Variants in GULP1 observed in about 807,000 individuals in gnomAD.
The protein encoded by GULP1 is GULP PTB domain containing engulfment adaptor 1.
In GULP1, 19 loss-of-function variants were observed where a neutral mutation model predicts 40.9. The observed-to-expected ratio is 0.46, with a 90% CI of 0.32 to 0.68. GULP1 has a LOEUF of 0.68. Ranked by LOEUF, GULP1 falls within the 30% of genes least tolerant of loss-of-function variation. The pLI is 0.03. For synonymous variants in GULP1, 119 were observed against 117.6 expected (o/e 1.01, Z -0.08); for missense variants, 312 against 362.2 (o/e 0.86, Z 1.12).
At chr2:188,307,417 G>A (rs1470315580) in intron 1 of GULP1, among the ~76,000 whole-genome samples, 3 of 151,154 alleles carry the variant, frequency 2.0e-5, no homozygotes, top group Non-Finnish European at 4.4e-5. Context: ...AATTTGAAGT[G>A]AGATACATCT....
In GULP1 at chr2:188,576,666, A is replaced by G. The variant is rs16830133; in HGVS notation, c.609+6546A>G. 3.3e-4 allele frequency among the ~76,000 whole-genome samples: 50 copies of G among 152,270 alleles called. 1 individual carries two copies. In the East Asian group the frequency reaches 4.8e-3, roughly 15 times the overall value. On this transcript the variant is annotated intron_variant, in intron 9 of 11. Transcript: ENST00000409830. ...TTTCTATCAAGTGAAATAGCCTTCA[A>G]TTGTACCTATATTACATACCTCTGC...
intron 4 of GULP1, among the ~76,000 whole-genome samples, chr2:188,505,022 A>C (rs148977946): frequency 0.029 from 4,370 of 151,440 alleles, 208 homozygotes; most frequent in East Asian, 0.16. Flanking sequence ...AAGCTACCTT[A>C]AATAAATTTT....
At chr2:188,461,051 G>C (rs2059663280) in intron 2 of GULP1, among the ~76,000 whole-genome samples, 1 of 152,048 alleles carries the variant, frequency 6.6e-6, no homozygotes, top group African/African-American at 2.4e-5. Context: ...ACTTTGTAGA[G>C]GATTTTTGCA....
chr2:188,316,455 T>C (rs7559554), intron 1 of GULP1, among the ~76,000 whole-genome samples: 14,061 of 152,128 alleles, frequency 0.092, 1,078 homozygotes, highest in African/African-American at 0.2. Flanking sequence ...ACTCAAAACC[T>C]TCCACTGGCT....
At chr2:188,413,305 A>G (rs1178949442) in intron 2 of GULP1, among the ~76,000 whole-genome samples, 1 of 152,176 alleles carries the variant, frequency 6.6e-6, no homozygotes. Context: ...TTACACTCCC[A>G]ACAGTGTAAA....
chr2:188,582,972 A>G (rs757379522), intron 9 of GULP1, among the ~76,000 whole-genome samples: 3 of 152,220 alleles, frequency 2.0e-5, no homozygotes, highest in Non-Finnish European at 1.5e-5. Context: ...AAAGAAAAAC[A>G]GAATAGAGGC....
intron 2 of GULP1, among the ~76,000 whole-genome samples, chr2:188,450,448 A>G (rs1239630702): frequency 6.6e-6 from 1 of 152,164 alleles, no homozygotes; most frequent in Admixed American, 6.6e-5. Context: ...ACCTGGAGTA[A>G]TTAGATGTAG....
Position 188,579,009 on chromosome 2 carries a change from A to G in GULP1, c.610-5256A>G, listed in dbSNP as rs536392585. On this transcript the variant is annotated intron_variant, in intron 9 of 11. Transcript: ENST00000409830. ...TTAGGTGCTACATCCGCACGTTCAT[A>G]TCCTTATTGAATAGGCCTAACCATT... Among the ~76,000 whole-genome samples the G allele has an allele frequency of 1.1e-3, 168 of 152,280 alleles. 1 individual carries two copies. The highest frequency in any genetic ancestry group is 4.0e-3 in the African/African-American group (165 of 41,572).
At chr2:188,582,593 T>G in intron 9 of GULP1, 1 of 452,074 alleles carries the variant, frequency 2.2e-6, no homozygotes, top group Non-Finnish European at 4.6e-6. Flanking sequence ...TAATTCTTTT[T>G]TATTATCCCA....
chr2:188,466,949 T>C (rs1189419190), intron 2 of GULP1, among the ~76,000 whole-genome samples: 1 of 152,082 alleles, frequency 6.6e-6, no homozygotes, highest in Non-Finnish European at 1.5e-5. Context: ...TCATAATAAA[T>C]GGCACTATGA....
intron 7 of GULP1, among the ~76,000 whole-genome samples, chr2:188,562,627 AAGT>A (rs1405155669): frequency 4.6e-5 from 7 of 152,080 alleles, no homozygotes; most frequent in African/African-American, 1.7e-4. Flanking sequence ...TTGACAGAAC[AAGT>A]AGAAAAAAAG....
At position 188,296,571 on chromosome 2, in the gene GULP1, T is replaced by C. The variant is rs145542574; in HGVS notation, c.-172+4405T>C. Among the ~76,000 whole-genome samples the C allele has an allele frequency of 8.0e-5, 8 of 100,394 alleles. No homozygotes were observed. The East Asian group carries it at 6.6e-3, about 82-fold the overall frequency. 65.9% of individuals were successfully genotyped at this position (100,394 alleles called of 152,430 possible). A position where few individuals can be genotyped will look rare whatever the true frequency, so the allele number is the denominator to read the frequency against. On this transcript the variant is annotated intron_variant, in intron 1 of 11. Transcript: ENST00000409830. The stretch of plus-strand genomic sequence containing the variant: ...ATTAGTTTTGTCTTTCAGTGTAGTA[T>C]ACTTAAAAATAGTTTTGAAAAGGCT...
At chr2:188,534,007 GA>G (rs765554008) in intron 6 of GULP1, among the ~76,000 whole-genome samples, 41 of 152,150 alleles carry the variant, frequency 2.7e-4, no homozygotes, top group Non-Finnish European at 4.7e-4. Flanking sequence ...GTGAAGAAAA[GA>G]GAATGCTTAT....
chr2:188,416,831 G>A (rs1325576610), intron 2 of GULP1, among the ~76,000 whole-genome samples: 1 of 152,200 alleles, frequency 6.6e-6, no homozygotes, highest in Admixed American at 6.5e-5. Flanking sequence ...AGTTTAATCA[G>A]ATATAGTTAG....
At chr2:188,435,851 A>G (rs2057356852) in intron 2 of GULP1, among the ~76,000 whole-genome samples, 1 of 152,102 alleles carries the variant, frequency 6.6e-6, no homozygotes, top group Admixed American at 6.6e-5. Context: ...GGATCTCTCC[A>G]TAGGCAGTTC....
intron 2 of GULP1, among the ~76,000 whole-genome samples, chr2:188,394,918 G>C (rs1301865356): frequency 6.6e-6 from 1 of 152,166 alleles, no homozygotes; most frequent in African/African-American, 2.4e-5. Flanking sequence ...AATGGCAAAG[G>C]CCTCTTGAAG....
At chr2:188,339,022 C>G (rs1176447784) in intron 1 of GULP1, among the ~76,000 whole-genome samples, 1 of 152,128 alleles carries the variant, frequency 6.6e-6, no homozygotes. Flanking sequence ...CAAAGAAAAT[C>G]CATCTTCCAG....
chr2:188,305,356 C>T (rs919248393), intron 1 of GULP1, among the ~76,000 whole-genome samples: 3 of 152,162 alleles, frequency 2.0e-5, no homozygotes, highest in Admixed American at 1.3e-4. Flanking sequence ...ATTATATAGG[C>T]ATGATTGACA....
At chr2:188,591,985 G>T (rs1449882571) in intron 11 of GULP1, 1 of 151,810 alleles carries the variant, frequency 6.6e-6, no homozygotes, top group East Asian at 1.9e-4. Flanking sequence ...ACAGGTGTGG[G>T]AAATTTTATC....
Sources: allele counts gnomAD v4.1 joint callset (sites outside exome capture counted in the v4.1 genomes callset), GRCh38; gene constraint gnomAD v4.1.1; transcripts MANE v1.5; gene names NCBI Gene and HGNC (gene_info 2026-07-23, HGNC 2026-07-21).